The following CENATAC variants were observed in gnomAD, a reference collection of about 807,000 sequenced individuals.
The protein encoded by CENATAC is coiled-coil domain containing 84.
In CENATAC, 53 loss-of-function variants were observed where a neutral mutation model predicts 53.7. That is an observed-to-expected ratio of 0.99 (90% CI 0.79 to 1.24). The LOEUF (loss-of-function observed/expected upper bound fraction) is 1.24. Among genes scored for constraint, CENATAC ranks in the 50% most tolerant of loss-of-function variants. CENATAC has a pLI of 0.00. For missense variants in CENATAC, 474 were observed against 417.8 expected (o/e 1.13, Z -1.17); for synonymous variants, 156 against 144.6 (o/e 1.08, Z -0.57).
At chr11:119,013,741 GCATGAGCCAC>G (rs1942991256) in intron 8 of CENATAC, among the ~76,000 whole-genome samples, 1 of 151,732 alleles carries the variant, frequency 6.6e-6, no homozygotes, top group African/African-American at 2.4e-5. Context: ...GGGATTACAG[GCATGAGCCAC>G]CGTGCCCGGA....
At chr11:119,014,094 A>G (rs1943015295) in intron 8 of CENATAC, 1 of 152,254 alleles carries the variant, frequency 6.6e-6, no homozygotes, top group Non-Finnish European at 1.5e-5. Flanking sequence ...ACATTATCCA[A>G]CCGTTCCACC....
chr11:119,001,586 C>A, intron 3 of CENATAC: 1 of 454,340 alleles, frequency 2.2e-6, no homozygotes, highest in Non-Finnish European at 4.4e-6. Context: ...TCATGACATA[C>A]CTTTTTAATT....
In CENATAC at chr11:119,007,909, T is replaced by C. The variant is rs200367206; in HGVS notation, c.384-2855T>C. Among the ~76,000 whole-genome samples the C allele has an allele frequency of 2.6e-5, 4 of 152,238 alleles. No individual in the cohort carries two copies. The East Asian group carries it at 7.7e-4, about 29-fold the overall frequency. ...TTTTAGATTTAGATGGTTTCTTACA[T>C]AGACAGTGAAAAGAAAAGGAAGACC... On this transcript the variant is annotated intron_variant, in intron 3 of 10. Transcript: ENST00000334418.
Position 119,015,571 on chromosome 11 carries a change from GA to G in CENATAC, c.974del (p.Lys325SerfsTer17). On this transcript the variant is annotated frameshift_variant, in exon 11 of 11. Transcript: ENST00000334418. LOFTEE classifies it high-confidence loss of function. ...TCAAAACTGAAGCTGCAGCAATGAA[GA>G]AGCAGTCACATACAGAAAAAAGCTA... ...QFKTEAAAMK[K>X]QSHTEKS The G allele has an allele frequency of 6.2e-7, 1 of 1,614,072 alleles. No homozygotes were observed. The highest frequency in any genetic ancestry group is 8.5e-7 in the Non-Finnish European group (1 of 1,179,970).
chr11:119,004,688 A>G (rs1942490581), intron 3 of CENATAC: 1 of 153,858 alleles, frequency 6.5e-6, no homozygotes, highest in African/African-American at 2.4e-5. Flanking sequence ...ACTTGAGCCC[A>G]GGAGGTTGAA....
Position 119,001,989 on chromosome 11 carries a change from C to T in CENATAC, c.383+2880C>T, listed in dbSNP as rs1049089079. Among the ~76,000 whole-genome samples the T allele has an allele frequency of 3.3e-5, 5 of 151,776 alleles. No homozygotes were observed. The South Asian group carries it at 6.2e-4, about 19-fold the overall frequency. On this transcript the variant is annotated intron_variant, in intron 3 of 10. Coordinates refer to ENST00000334418, the MANE Select transcript of CENATAC (RefSeq NM_198489.3). Reference sequence around the variant, plus strand: ...CTGTAATCCCAGCACTTTGGGAGGCCGAGGTGGGAGGATCATTTGAGGTCA... The same window carrying T: ...CTGTAATCCCAGCACTTTGGGAGGCTGAGGTGGGAGGATCATTTGAGGTCA...
chr11:119,012,283 G>C lies in CENATAC; in HGVS notation c.684+29G>C, dbSNP rs782486664. 1.1e-5 allele frequency: 18 copies of C among 1,610,916 alleles called. No homozygotes were observed. The South Asian group carries it at 2.0e-4, about 18-fold the overall frequency. ...CAAAGGATAAGCAAGCCAGAAGAGG[G>C]CCAATGGTCCCTCAGGTCTCAGGAC... On this transcript the variant is annotated intron_variant, in intron 7 of 10. Transcript: ENST00000334418.
intron 7 of CENATAC, 53 bp from the exon 8 acceptor site, chr11:119,013,179 T>C (rs1208996928): frequency 2.0e-5 from 29 of 1,417,084 alleles, no homozygotes; most frequent in Non-Finnish European, 2.7e-5. Context: ...GATTTTTTTT[T>C]TTAATCATGC....
Position 119,011,993 on chromosome 11 carries a change from G to A in CENATAC, c.568G>A (p.Gly190Arg). 1.9e-6 allele frequency: 3 copies of A among 1,614,000 alleles called. No homozygotes were observed. Among genetic ancestry groups the A allele is most frequent in the Non-Finnish European group, 2.5e-6 (3 of 1,179,940 alleles). The change falls in exon 6 of 11, where the codon GGG (glycine) becomes AGG (arginine). Residue 190 changes from glycine (G) to arginine (R), a missense_variant. Physicochemically the swap from Gly to Arg is moderately radical, Grantham distance 125. Transcript: ENST00000334418. ...CTCTTCAGCACCTAGAAGCTGGAAA[G>A]GGATGAACAGGTAAGACTATTAGGG... ...EGSSAPRSWK[G>R]MNSQVASSLQ...
chr11:119,015,668 A>G lies in CENATAC; in HGVS notation c.*70A>G. 1.4e-6 allele frequency: 2 copies of G among 1,467,958 alleles called. No individual in the cohort carries two copies. Among genetic ancestry groups the G allele is most frequent in the Non-Finnish European group, 1.9e-6 (2 of 1,054,044 alleles). 90.9% of individuals were successfully genotyped at this position (1,467,958 alleles called of 1,614,324 possible). ...AAACCCCTATTATACCTTCCACCAA[A>G]TTCTTTATCATTGTCTTTCTTAGGA... On this transcript the variant is annotated 3_prime_UTR_variant, in exon 11 of 11. Transcript: ENST00000334418.
chr11:118,999,169 A>G, intron 3 of CENATAC, 60 bp downstream of exon 3: 2 of 1,287,430 alleles, frequency 1.6e-6, no homozygotes, highest in Non-Finnish European at 2.3e-6. Flanking sequence ...TTTGTCAGGT[A>G]TGGGAGCTTA....
intron 3 of CENATAC, chr11:118,999,330 A>C: frequency 2.1e-6 from 1 of 485,766 alleles, no homozygotes. Flanking sequence ...AACAATACTA[A>C]AAGTTGACTG....
chr11:119,007,464 G>A (rs190276387), intron 3 of CENATAC, among the ~76,000 whole-genome samples: 1 of 152,164 alleles, frequency 6.6e-6, no homozygotes, highest in East Asian at 1.9e-4. Context: ...TTACAGATGT[G>A]AACCACCTAA....
chr11:119,013,155 T>A, intron 7 of CENATAC, 77 bp from the exon 8 acceptor site: 1 of 1,094,926 alleles, frequency 9.1e-7, no homozygotes, highest in South Asian at 1.4e-5. Context: ...GTGTGCTTTG[T>A]CTATCGTTTC....
chr11:118,998,177 G>GTGA lies in CENATAC; in HGVS notation c.-19_-17dup. On this transcript the variant is annotated 5_prime_UTR_variant, in exon 1 of 11. In the 5' UTR this introduces an upstream ATG that the reference lacks. Coordinates refer to ENST00000334418, the MANE Select transcript of CENATAC (RefSeq NM_198489.3). The stretch of plus-strand genomic sequence containing the variant: ...GGCGTAGGATCGGCCGCTGGTGGTG[G>GTGA]TGATACCGGGTACCCGGGCTATGGC... 6.4e-7 allele frequency: 1 copy of GTGA among 1,570,876 alleles called. No individual in the cohort carries two copies. Among genetic ancestry groups the GTGA allele is most frequent in the Non-Finnish European group, 8.6e-7 (1 of 1,161,094 alleles).
Position 119,015,578 on chromosome 11 carries a change from TCA to T in CENATAC, c.982_983del (p.His328TyrfsTer70), listed in dbSNP as rs782454550. Reference sequence around the variant, plus strand: ...TGAAGCTGCAGCAATGAAGAAGCAGTCACATACAGAAAAAAGCTAATCATGCT... The same window carrying T: ...TGAAGCTGCAGCAATGAAGAAGCAGTCATACAGAAAAAAGCTAATCATGCT... The part of the protein sequence containing the change: ...KTEAAAMKKQ[S>X]HTEKS On this transcript the variant is annotated frameshift_variant, in exon 11 of 11. Coordinates refer to ENST00000334418, the MANE Select transcript of CENATAC (RefSeq NM_198489.3). LOFTEE classifies it high-confidence loss of function. The T allele has an allele frequency of 5.6e-6, 9 of 1,614,064 alleles. 1 individual carries two copies. Among genetic ancestry groups the T allele is most frequent in the Non-Finnish European group, 7.6e-6 (9 of 1,180,018 alleles).
At chr11:119,014,699 A>G (rs1263623085) in intron 8 of CENATAC, 1 of 231,794 alleles carries the variant, frequency 4.3e-6, no homozygotes. Flanking sequence ...GGGGGCAGTG[A>G]TACTTACAGG....
rs782685571 is a variant in CENATAC at position 119,015,080 on chromosome 11, G to A, written c.802G>A (p.Glu268Lys). The A allele has an allele frequency of 1.2e-6, 2 of 1,600,762 alleles. No homozygotes were observed. Among genetic ancestry groups the A allele is most frequent in the East Asian group, 2.2e-5 (1 of 44,750 alleles). Residue 268 changes from glutamate to lysine, a missense_variant, in exon 9 of 11, where the codon GAA becomes AAA. Coordinates refer to ENST00000334418, the MANE Select transcript of CENATAC (RefSeq NM_198489.3). ...ACCATCCTATGAAGAATTTCTTAAA[G>A]AAAGTAAGTAAACTAATTCAAGAGA... ...IGPSYEEFLK[E>K]KEKQKLKKLP...
At chr11:118,999,143 G>A (rs373706643) in intron 3 of CENATAC, 34 bp downstream of exon 3, 1 of 1,492,750 alleles carries the variant, frequency 6.7e-7, no homozygotes. Context: ...AAGTAGCAGA[G>A]TGAATTCTCT....
Sources: gnomAD v4.1 joint callset for allele counts (sites outside exome capture counted in the v4.1 genomes callset) on GRCh38, gnomAD v4.1.1 for gene constraint, MANE v1.5 for transcripts, NCBI Gene and HGNC (gene_info 2026-07-23, HGNC 2026-07-21) for gene names.